The following SDK1 variants were observed in gnomAD, a reference collection of about 807,000 sequenced individuals.
SDK1 encodes protein sidekick-1.
In SDK1, 157 loss-of-function variants were observed where a neutral mutation model predicts 245.5. The ratio of observed to expected loss-of-function variants is 0.64; its 90% CI spans 0.56 to 0.73. SDK1 has a LOEUF of 0.73. SDK1 is among the 30% of genes least tolerant of loss of function. SDK1 has a pLI of 0.00. For missense variants in SDK1, 3,583 were observed against 3,002.3 expected (o/e 1.19, Z -4.52); for synonymous variants, 1,647 against 1,278.5 (o/e 1.29, Z -6.15).
chr7:3,460,011 T>C (rs570691552), intron 1 of SDK1, among the ~76,000 whole-genome samples: 2 of 152,366 alleles, frequency 1.3e-5, no homozygotes, highest in African/African-American at 4.8e-5. Context: ...CCAAACATTT[T>C]AAAATTAAGT....
intron 4 of SDK1, among the ~76,000 whole-genome samples, 176 bp downstream of exon 4, chr7:3,642,281 T>C (rs1452256005): frequency 6.6e-6 from 1 of 152,246 alleles, no homozygotes; most frequent in Non-Finnish European, 1.5e-5. Context: ...TGAATATTTT[T>C]AACCAGTTTA....
chr7:4,202,201 C>G (rs1184612708), intron 35 of SDK1, among the ~76,000 whole-genome samples: 3 of 152,150 alleles, frequency 2.0e-5, no homozygotes, highest in Non-Finnish European at 4.4e-5. Context: ...TCTGATGAAA[C>G]TTGTCTTTCA....
intron 14 of SDK1, among the ~76,000 whole-genome samples, chr7:3,990,632 C>T (rs1784230494): frequency 6.6e-6 from 1 of 152,220 alleles, no homozygotes; most frequent in African/African-American, 2.4e-5. Flanking sequence ...CAGCCCCCAT[C>T]AGGCGCTGTC....
At chr7:3,503,811 G>C (rs1019734101) in intron 1 of SDK1, among the ~76,000 whole-genome samples, 1 of 152,062 alleles carries the variant, frequency 6.6e-6, no homozygotes, top group Non-Finnish European at 1.5e-5. Flanking sequence ...TAAGTAAATG[G>C]AAAGGCGTGA....
intron 20 of SDK1, among the ~76,000 whole-genome samples, chr7:4,070,424 G>C (rs1780176028): frequency 6.6e-6 from 1 of 152,214 alleles, no homozygotes; most frequent in Non-Finnish European, 1.5e-5. Context: ...CCTCGGGCTG[G>C]AGGCTCACGT....
At chr7:3,655,043 A>T (rs1783118573) in intron 4 of SDK1, among the ~76,000 whole-genome samples, 1 of 99,844 alleles carries the variant, frequency 1.0e-5, no homozygotes, top group African/African-American at 4.1e-5. Context: ...GTTGAATCAT[A>T]GCTTGCTTTT....
chr7:3,651,456 C>T (rs911556505), intron 4 of SDK1, among the ~76,000 whole-genome samples: 1 of 152,052 alleles, frequency 6.6e-6, no homozygotes, highest in African/African-American at 2.4e-5. Context: ...AAAGAGCAGA[C>T]AATATGCAGC....
intron 1 of SDK1, among the ~76,000 whole-genome samples, chr7:3,331,262 G>A (rs1398539239): frequency 6.6e-6 from 1 of 151,888 alleles, no homozygotes; most frequent in African/African-American, 2.4e-5. Context: ...GACTCTGTCT[G>A]AAAAAAAGAA....
chr7:3,958,887 T>C, intron 7 of SDK1, 44 bp from the exon 8 acceptor site: 1 of 1,465,246 alleles, frequency 6.8e-7, no homozygotes, highest in South Asian at 1.1e-5. Context: ...CTCTGACATA[T>C]CCTTCTTTGG....
chr7:3,967,409 C>G lies in SDK1; in HGVS notation c.1521C>G (p.Pro507=). Residue 507 remains proline (P), a synonymous_variant, in exon 10 of 45, where the codon CCC becomes CCG. Transcript: ENST00000404826. ...AILRCEVSGA[P]KPAITWKREN... is the part of the protein sequence containing the mutation. ...TAAGGTGTGAGGTGTCCGGGGCTCCCAAACCCGCCATCACCTGGAAAAGAG... is the reference window on the plus strand; with the variant it reads ...TAAGGTGTGAGGTGTCCGGGGCTCCGAAACCCGCCATCACCTGGAAAAGAG... 2 of 1,613,710 alleles carry G rather than the reference C, an allele frequency of 1.2e-6. No homozygotes were observed. Among genetic ancestry groups the G allele is most frequent in the Non-Finnish European group, 1.7e-6 (2 of 1,179,628 alleles).
intron 1 of SDK1, among the ~76,000 whole-genome samples, chr7:3,610,808 T>G (rs552763697): frequency 6.6e-6 from 1 of 152,254 alleles, no homozygotes; most frequent in South Asian, 2.1e-4. Flanking sequence ...ATAGGCAAAC[T>G]ATTCACAGTG....
intron 17 of SDK1, among the ~76,000 whole-genome samples, chr7:4,020,753 C>T (rs1233322917): frequency 2.6e-5 from 4 of 152,230 alleles, no homozygotes; most frequent in Admixed American, 2.6e-4. Context: ...ATCCAGGCCT[C>T]ACTCCATATT....
At chr7:4,195,459 C>G (rs1289671847) in intron 35 of SDK1, among the ~76,000 whole-genome samples, 1 of 152,182 alleles carries the variant, frequency 6.6e-6, no homozygotes, top group Non-Finnish European at 1.5e-5. Flanking sequence ...CACTCTCCAT[C>G]CTCAGCTGCC....
chr7:4,227,582 A>G (rs1166747250), intron 40 of SDK1, among the ~76,000 whole-genome samples: 2 of 152,254 alleles, frequency 1.3e-5, no homozygotes, highest in Non-Finnish European at 2.9e-5. Context: ...TGAGCTGCAG[A>G]CTGACAGTCA....
intron 41 of SDK1, among the ~76,000 whole-genome samples, chr7:4,234,246 G>T (rs13230364): frequency 6.6e-6 from 1 of 152,162 alleles, no homozygotes; most frequent in Admixed American, 6.5e-5. Context: ...ATCCCAGGCT[G>T]GGCATTTCTT....
intron 42 of SDK1, among the ~76,000 whole-genome samples, chr7:4,239,110 GGCATAGAGCAA>G (rs1311962656): frequency 6.6e-6 from 1 of 152,202 alleles, no homozygotes; most frequent in African/African-American, 2.4e-5. Flanking sequence ...CTCCACACCA[GGCATAGAGCAA>G]GCATTCAGTC....
At chr7:3,793,288 C>T (rs1468602975) in intron 4 of SDK1, among the ~76,000 whole-genome samples, 1 of 152,098 alleles carries the variant, frequency 6.6e-6, no homozygotes, top group East Asian at 1.9e-4. Flanking sequence ...AGCTTTAAAT[C>T]TTGTCTTCCA....
At chr7:3,782,854 A>G (rs1317111805) in intron 4 of SDK1, among the ~76,000 whole-genome samples, 1 of 152,224 alleles carries the variant, frequency 6.6e-6, no homozygotes, top group Non-Finnish European at 1.5e-5. Context: ...AATTGTCTGT[A>G]CTTCCAAAAA....
intron 4 of SDK1, among the ~76,000 whole-genome samples, chr7:3,801,846 G>C (rs1175519101): frequency 6.6e-6 from 1 of 152,168 alleles, no homozygotes; most frequent in Admixed American, 6.5e-5. Flanking sequence ...CCTGTTTTGT[G>C]ATTCGATTCT....
Sources: gnomAD v4.1 joint callset for allele counts (sites outside exome capture counted in the v4.1 genomes callset) on GRCh38, gnomAD v4.1.1 for gene constraint, MANE v1.5 for transcripts, NCBI Gene and HGNC (gene_info 2026-07-23, HGNC 2026-07-21) for gene names.